The following FRMD5 variants were observed in gnomAD, a reference collection of about 807,000 sequenced individuals.
The protein encoded by FRMD5 is FERM domain containing 5, also known as FERM domain-containing protein 5.
A neutral mutation model predicts 69.0 loss-of-function variants in FRMD5; 20 were observed. The ratio of observed to expected loss-of-function variants is 0.29; its 90% CI spans 0.20 to 0.42. The LOEUF (loss-of-function observed/expected upper bound fraction) is 0.42. Among genes scored for constraint, FRMD5 ranks in the 10% least tolerant of loss-of-function variants. The pLI is 1.00. For synonymous variants in FRMD5, 271 were observed against 260.1 expected (o/e 1.04, Z -0.40); for missense variants, 595 against 708.6 (o/e 0.84, Z 1.82).
intron 1 of FRMD5, among the ~76,000 whole-genome samples, chr15:44,140,868 G>C (rs565887519): frequency 4.6e-3 from 117 of 25,564 alleles, no homozygotes; most frequent in African/African-American, 9.1e-3. Context: ...GGGTGACAGA[G>C]TGAGACTGTC....
chr15:44,044,618 A>G (rs1892350678), intron 1 of FRMD5, among the ~76,000 whole-genome samples: 1 of 152,210 alleles, frequency 6.6e-6, no homozygotes, highest in Admixed American at 6.5e-5. Flanking sequence ...TTGCAGGGAC[A>G]TGGATGAAGC....
intron 1 of FRMD5, among the ~76,000 whole-genome samples, chr15:44,156,950 A>G (rs2077538702): frequency 1.3e-5 from 2 of 152,190 alleles, no homozygotes; most frequent in Non-Finnish European, 2.9e-5. Context: ...TTCTAGATAC[A>G]TAAGAAACTA....
chr15:44,066,505 C>T (rs1893316647), intron 1 of FRMD5, among the ~76,000 whole-genome samples: 1 of 152,136 alleles, frequency 6.6e-6, no homozygotes, highest in South Asian at 2.1e-4. Flanking sequence ...TGAAGGAAGA[C>T]AGGCATTCTG....
chr15:43,988,147 T>C (rs757648055), intron 1 of FRMD5, among the ~76,000 whole-genome samples: 3 of 152,088 alleles, frequency 2.0e-5, no homozygotes, highest in Non-Finnish European at 4.4e-5. Context: ...TAAATACAGA[T>C]GAAGCTTCTC....
chr15:43,904,214 G>C (rs1046075396), intron 6 of FRMD5, among the ~76,000 whole-genome samples: 1 of 152,172 alleles, frequency 6.6e-6, no homozygotes, highest in Non-Finnish European at 1.5e-5. Context: ...GCCTGTGGTC[G>C]GGGAAGGAAC....
chr15:43,881,464 A>G (rs766624072), intron 13 of FRMD5, among the ~76,000 whole-genome samples: 5 of 152,184 alleles, frequency 3.3e-5, no homozygotes, highest in Non-Finnish European at 5.9e-5. Context: ...CATTCTTTGC[A>G]TAACAATTCT....
chr15:43,923,863 G>A (rs2089538774), intron 2 of FRMD5, among the ~76,000 whole-genome samples: 2 of 152,204 alleles, frequency 1.3e-5, no homozygotes, highest in African/African-American at 4.8e-5. Flanking sequence ...AGTACAATGT[G>A]CTTCAGCCTG....
At chr15:43,897,448 T>C (rs1344387157) in intron 7 of FRMD5, among the ~76,000 whole-genome samples, 1 of 136,384 alleles carries the variant, frequency 7.3e-6, no homozygotes, top group Non-Finnish European at 1.5e-5. Context: ...GATTACACCA[T>C]TGCACTCCAG....
intron 1 of FRMD5, among the ~76,000 whole-genome samples, chr15:44,009,401 T>G (rs1046509844): frequency 5.3e-5 from 8 of 152,080 alleles, no homozygotes; most frequent in African/African-American, 1.9e-4. Context: ...AACATGTGGC[T>G]GGGTGCAGTG....
chr15:43,913,890 C>T (rs141747451), intron 4 of FRMD5, among the ~76,000 whole-genome samples: 4 of 152,246 alleles, frequency 2.6e-5, no homozygotes, highest in Non-Finnish European at 5.9e-5. Context: ...GAGAGATATT[C>T]TCACTGAGAC....
At chr15:43,907,114 C>T (rs2089194174) in intron 5 of FRMD5, among the ~76,000 whole-genome samples, 1 of 152,128 alleles carries the variant, frequency 6.6e-6, no homozygotes, top group Non-Finnish European at 1.5e-5. Flanking sequence ...GTGGGTAGGA[C>T]AAAAGAAAGA....
At chr15:44,012,502 T>G (rs761384907) in intron 1 of FRMD5, among the ~76,000 whole-genome samples, 1 of 152,238 alleles carries the variant, frequency 6.6e-6, no homozygotes, top group Admixed American at 6.5e-5. Flanking sequence ...ACTGTTCTAT[T>G]CATAGATGAA....
At chr15:44,063,174 G>A (rs566555879) in intron 1 of FRMD5, among the ~76,000 whole-genome samples, 4 of 152,168 alleles carry the variant, frequency 2.6e-5, no homozygotes, top group East Asian at 1.9e-4. Context: ...CTAGTACAAC[G>A]TATAAGTAAA....
chr15:43,946,452 A>G (rs1006991242), intron 1 of FRMD5, among the ~76,000 whole-genome samples: 2 of 152,218 alleles, frequency 1.3e-5, no homozygotes, highest in African/African-American at 4.8e-5. Flanking sequence ...TTATTTACAC[A>G]CATTATTTCT....
At chr15:44,031,447 G>C (rs540745500) in intron 1 of FRMD5, among the ~76,000 whole-genome samples, 98 of 152,278 alleles carry the variant, frequency 6.4e-4, no homozygotes, top group African/African-American at 2.2e-3. Context: ...TAAGGTGCCA[G>C]CCATTCATGG....
chr15:43,968,730 T>C (rs139109488), intron 1 of FRMD5, among the ~76,000 whole-genome samples: 24 of 152,340 alleles, frequency 1.6e-4, no homozygotes, highest in African/African-American at 5.8e-4. Context: ...CTTTCTGTAA[T>C]TTGAGGGAAA....
chr15:44,196,430 A>G (rs960040871), upstream of FRMD5, among the ~76,000 whole-genome samples: 2 of 151,446 alleles, frequency 1.3e-5, no homozygotes, highest in African/African-American at 4.9e-5. Flanking sequence ...CGGCCATTGC[A>G]CTCCAGCCTG....
intron 1 of FRMD5, among the ~76,000 whole-genome samples, chr15:44,100,889 G>A (rs894653796): frequency 3.5e-4 from 53 of 152,218 alleles, no homozygotes; most frequent in African/African-American, 1.2e-3. Flanking sequence ...AGTGGCTCAC[G>A]CCTGTAATCC....
intron 4 of FRMD5, chr15:43,919,058 C>T: frequency 9.4e-6 from 3 of 317,716 alleles, no homozygotes; most frequent in Non-Finnish European, 1.9e-5. Context: ...AGTGTTATGC[C>T]TTTGGCATTT....
Sources: allele counts gnomAD v4.1 joint callset (sites outside exome capture counted in the v4.1 genomes callset), GRCh38; gene constraint gnomAD v4.1.1; transcripts MANE v1.5; gene names NCBI Gene and HGNC (gene_info 2026-07-23, HGNC 2026-07-21).